Variants in SLC12A4 observed in about 807,000 individuals in gnomAD.
The protein encoded by SLC12A4 is solute carrier family 12 member 4.
A neutral mutation model predicts 119.2 loss-of-function variants in SLC12A4; 84 were observed. The observed-to-expected ratio is 0.70, with a 90% confidence interval of 0.59 to 0.85. The LOEUF (loss-of-function observed/expected upper bound fraction) is 0.85, where lower values mean the gene tolerates loss of function less well. SLC12A4 is among the 40% of genes least tolerant of loss of function. SLC12A4 has a pLI of 0.00. For missense variants in SLC12A4, 1,298 were observed against 1,476.3 expected (o/e 0.88, Z 1.98); for synonymous variants, 599 against 604.6 (o/e 0.99, Z 0.14).
At chr16:67,945,334 T>A (rs553707733) in intron 22 of SLC12A4, 35 bp downstream of exon 22, 1 of 1,592,616 alleles carries the variant, frequency 6.3e-7, no homozygotes, top group African/African-American at 1.3e-5. Flanking sequence ...ACCCCTAGAT[T>A]CCAGTGCCGC....
chr16:67,964,340 T>C (rs1017609111), intron 1 of SLC12A4, among the ~76,000 whole-genome samples: 1 of 152,160 alleles, frequency 6.6e-6, no homozygotes, highest in African/African-American at 2.4e-5. Flanking sequence ...CTCTGAGAAA[T>C]CTCGCCAAAA....
intron 1 of SLC12A4, chr16:67,963,795 G>C: frequency 5.6e-6 from 7 of 1,242,550 alleles, no homozygotes; most frequent in Non-Finnish European, 7.7e-6. Flanking sequence ...AGGGAATCCA[G>C]GTGAGGGCGC....
At chr16:67,966,087 AC>A (rs1383168927) in intron 1 of SLC12A4, among the ~76,000 whole-genome samples, 1 of 152,078 alleles carries the variant, frequency 6.6e-6, no homozygotes, top group African/African-American at 2.4e-5. Flanking sequence ...GGATTCCCAG[AC>A]CTTCCCCCGT....
In SLC12A4 at chr16:67,954,813, GTTC is replaced by G. The variant is rs757381351; in HGVS notation, c.545-43_545-41del. Reference sequence around the variant, plus strand: ...TGAAAGTGTGCACAGGTCAAGGCTGGTTCTTCTTCAAGGGGTCTCCCTGTGACA... The same window carrying G: ...TGAAAGTGTGCACAGGTCAAGGCTGGTTCTTCAAGGGGTCTCCCTGTGACA... On this transcript the variant is annotated intron_variant, in intron 5 of 23. Transcript: ENST00000316341. The G allele has an allele frequency of 6.2e-6, 10 of 1,612,232 alleles. 1 individual carries two copies. The South Asian group carries it at 6.6e-5, about 11-fold the overall frequency.
chr16:67,968,527 C>T lies in SLC12A4; in HGVS notation c.27G>A (p.Val9=). The part of the protein sequence containing the change: MPHFTVVP[V]DGPRRGDYDN... ...CATAGTCGCCGCGCCTCGGCCCGTC[C>T]ACTGGCACCACGGTGAAGTGAGGCA... The change falls in exon 1 of 24, where the codon GTG becomes GTA. Residue 9 remains valine (V), a synonymous_variant. Transcript: ENST00000316341. 2.5e-6 allele frequency: 4 copies of T among 1,580,782 alleles called. No individual in the cohort carries two copies. Among genetic ancestry groups the T allele is most frequent in the Non-Finnish European group, 3.4e-6 (4 of 1,168,724 alleles).
Position 67,957,912 on chromosome 16 carries a change from T to C in SLC12A4, c.475A>G (p.Ile159Val). 1 of 1,614,050 alleles carries C rather than the reference T, an allele frequency of 6.2e-7. No homozygotes were observed. Among genetic ancestry groups the C allele is most frequent in the Non-Finnish European group, 8.5e-7 (1 of 1,179,970 alleles). The change falls in exon 4 of 24, where the codon ATC (isoleucine) becomes GTC (valine). Residue 159 changes from isoleucine to valine, a missense_variant. Coordinates refer to ENST00000316341, the MANE Select transcript of SLC12A4 (RefSeq NM_005072.5). ...AGGACACTCACACAACAGCAGCAGA[T>C]AAGCACGATGAGGAGGGCCTGTAGC... ...GVLQALLIVL[I>V]CCCCTLLTAI...
chr16:67,954,554 G>A, intron 6 of SLC12A4, 89 bp downstream of exon 6: 1 of 1,515,638 alleles, frequency 6.6e-7, no homozygotes, highest in Non-Finnish European at 9.1e-7. Context: ...GGCCAGACAT[G>A]TGGGGATGAA....
chr16:67,967,949 C>A (rs1201777599), intron 1 of SLC12A4, among the ~76,000 whole-genome samples: 2 of 152,216 alleles, frequency 1.3e-5, no homozygotes, highest in Non-Finnish European at 2.9e-5. Flanking sequence ...CCCCAGTAGG[C>A]ACACTCTGGC....
Position 67,951,428 on chromosome 16 carries a change from G to T in SLC12A4, c.1133-124C>A. The stretch of plus-strand genomic sequence containing the variant: ...ACTCAGGGAACAGCTTCAGCCCAAT[G>T]ACTGCAGCGTCAGCCACAGGGCTAC... On this transcript the variant is annotated intron_variant, in intron 8 of 23. Coordinates refer to ENST00000316341, the MANE Select transcript of SLC12A4 (RefSeq NM_005072.5). This position sits in a 1 kb window ranked among gnomAD's most constrained non-coding sequence, Gnocchi z 5.2. The T allele has an allele frequency of 1.9e-6, 2 of 1,079,384 alleles. No individual in the cohort carries two copies. The highest frequency in any genetic ancestry group is 1.5e-5 in the South Asian group (1 of 65,326). The allele number at this position is 1,079,384 out of a possible 1,614,324, so 66.9% of individuals were successfully genotyped here. A position where few individuals can be genotyped will look rare whatever the true frequency, so the allele number is the denominator to read the frequency against.
Position 67,952,180 on chromosome 16 carries a change from TTACG to T in SLC12A4, c.917_917+3del. On this transcript the variant is annotated splice_donor_variant and splice_donor_region_variant and coding_sequence_variant and intron_variant, in exon 7 of 24. Transcript: ENST00000316341. LOFTEE classifies it high-confidence loss of function. ...ATGCCCAGATAAATTCCTGGGTTACTTACGGAAACACGGGAGGGTCAAATATAGA... is the reference window on the plus strand; with the variant it reads ...ATGCCCAGATAAATTCCTGGGTTACTGAAACACGGGAGGGTCAAATATAGA... 6.2e-7 allele frequency: 1 copy of T among 1,613,642 alleles called. No individual in the cohort carries two copies. The highest frequency in any genetic ancestry group is 8.5e-7 in the Non-Finnish European group (1 of 1,179,626).
rs754295538 is a variant in SLC12A4 at position 67,944,066 on chromosome 16, C to T, written c.*774G>A. The T allele has an allele frequency of 1.6e-5, 24 of 1,548,018 alleles. No homozygotes were observed. The highest frequency in any genetic ancestry group is 1.6e-5 in the Non-Finnish European group (18 of 1,146,372). The stretch of plus-strand genomic sequence containing the variant: ...GAGGGAGCAGCAGCCCCAGCAGCAG[C>T]GTCACCCACTGCCATGGGGAGCCGG... On this transcript the variant is annotated 3_prime_UTR_variant, in exon 24 of 24. Coordinates refer to ENST00000316341, the MANE Select transcript of SLC12A4 (RefSeq NM_005072.5). The surrounding 1 kb of genome is among the most constrained non-coding windows in gnomAD (Gnocchi z 6.6).
At position 67,946,505 on chromosome 16, in the gene SLC12A4, G is replaced by A. The variant is rs749583283; in HGVS notation, c.2370C>T (p.Ser790=). Residue 790 remains serine (S), a synonymous_variant, in exon 18 of 24, where the codon TCC becomes TCT. Coordinates refer to ENST00000316341, the MANE Select transcript of SLC12A4 (RefSeq NM_005072.5). ...AGCCGTAGGGCCAGCCCAGCACCAC[G>A]GAGTTATGCCGCATGCCTCCCAGGC... The part of the protein sequence containing the change: ...SCGLGGMRHN[S]VVLGWPYGWR... The A allele has an allele frequency of 5.0e-5, 80 of 1,609,500 alleles. No individual in the cohort carries two copies. The highest frequency in any genetic ancestry group is 6.1e-5 in the Non-Finnish European group (72 of 1,180,012).
intron 6 of SLC12A4, 47 bp downstream of exon 6, chr16:67,954,596 G>C (rs756257201): frequency 6.2e-7 from 1 of 1,610,500 alleles, no homozygotes; most frequent in African/African-American, 1.3e-5. Flanking sequence ...AGTCCAAAGG[G>C]ACTGTTTGGA....
Position 67,943,900 on chromosome 16 carries a change from G to T in SLC12A4, c.*940C>A. ...TCAGCTGCCAGGGGCTGGGGCCCAGGCTCCCCAGGGTCTGGCGTGGTGCAT... is the reference window on the plus strand; with the variant it reads ...TCAGCTGCCAGGGGCTGGGGCCCAGTCTCCCCAGGGTCTGGCGTGGTGCAT... On this transcript the variant is annotated 3_prime_UTR_variant, in exon 24 of 24. Transcript: ENST00000316341. This position sits in a 1 kb window ranked among gnomAD's most constrained non-coding sequence, Gnocchi z 4.6. 1 of 1,487,626 alleles carries T rather than the reference G, an allele frequency of 6.7e-7. No individual in the cohort carries two copies. Among genetic ancestry groups the T allele is most frequent in the Non-Finnish European group, 9.0e-7 (1 of 1,106,026 alleles). The allele number at this position is 1,487,626 out of a possible 1,614,324, so 92.2% of individuals were successfully genotyped here. A position where few individuals can be genotyped will look rare whatever the true frequency, so the allele number is the denominator to read the frequency against.
intron 5 of SLC12A4, among the ~76,000 whole-genome samples, chr16:67,957,209 GC>G (rs1399413632): frequency 7.0e-6 from 1 of 143,646 alleles, no homozygotes; most frequent in Non-Finnish European, 1.5e-5. Flanking sequence ...TCGCTCTGTC[GC>G]CCAGGCTGGA....
chr16:67,946,976 G>T lies in SLC12A4; in HGVS notation c.2202C>A (p.Ser734Arg). ...LTIVGSVIQG[S>R]FLESYGEAQA... ...GAGCCTCGCCATAGCTCTCCAAGAA[G>T]CTCCCCTGGATGACAGAACCAACAA... is the stretch of plus-strand genomic sequence containing the variant. The change falls in exon 17 of 24, where the codon AGC (serine) becomes AGA (arginine). Residue 734 changes from serine to arginine, a missense_variant. Physicochemically the swap from Ser to Arg is moderately radical, Grantham distance 110. Coordinates refer to ENST00000316341, the MANE Select transcript of SLC12A4 (RefSeq NM_005072.5). 1.9e-6 allele frequency: 3 copies of T among 1,613,272 alleles called. No individual in the cohort carries two copies. Among genetic ancestry groups the T allele is most frequent in the Non-Finnish European group, 1.7e-6 (2 of 1,180,008 alleles).
chr16:67,945,741 C>T (rs749029864), intron 21 of SLC12A4, 23 bp downstream of exon 21: 30 of 1,603,818 alleles, frequency 1.9e-5, no homozygotes, highest in East Asian at 8.9e-5. Context: ...CCCGCCCTGG[C>T]GTGAACCACA....
At chr16:67,953,168 C>T (rs573508234) in intron 6 of SLC12A4, among the ~76,000 whole-genome samples, 1 of 152,142 alleles carries the variant, frequency 6.6e-6, no homozygotes, top group African/African-American at 2.4e-5. Flanking sequence ...AGGCCGACTG[C>T]CTGAGCTCAA....
At chr16:67,947,908 T>A in intron 14 of SLC12A4, 120 bp from the exon 15 acceptor site, 1 of 1,481,854 alleles carries the variant, frequency 6.7e-7, no homozygotes, top group Non-Finnish European at 9.2e-7. Flanking sequence ...GGTGGTCAGG[T>A]CACTGGGTGT....
Sources: allele counts gnomAD v4.1 joint callset (sites outside exome capture counted in the v4.1 genomes callset), GRCh38; gene constraint gnomAD v4.1.1; non-coding constraint Gnocchi (gnomAD v3.1); transcripts MANE v1.5; gene names NCBI Gene and HGNC (gene_info 2026-07-23, HGNC 2026-07-21).